The following LYPLAL1 variants were observed in gnomAD, a reference collection of about 807,000 sequenced individuals.
LYPLAL1 encodes the protein lysophospholipase-like protein 1.
LYPLAL1 carries 23 observed loss-of-function variants against 19.7 expected under a neutral mutation model. The ratio of observed to expected loss-of-function variants is 1.17; its 90% CI spans 0.84 to 1.65. The LOEUF (loss-of-function observed/expected upper bound fraction) is 1.65, where lower values mean the gene tolerates loss of function less well. Among genes scored for constraint, LYPLAL1 ranks in the 40% most tolerant of loss-of-function variants. The pLI is 0.00. For synonymous variants in LYPLAL1, 119 were observed against 96.3 expected, an observed-to-expected ratio of 1.24 and a Z score of -1.38; for missense variants, 355 against 279.4, an observed-to-expected ratio of 1.27 and a Z score of -1.93.
chr1:219,197,123 G>GA (rs1390278073), intron 3 of LYPLAL1, among the ~76,000 whole-genome samples: 17 of 152,078 alleles, frequency 1.1e-4, no homozygotes, highest in African/African-American at 4.1e-4. Flanking sequence ...CACAGAATTA[G>GA]AAAAAACTAC....
chr1:219,216,362 A>G (rs1659290624), downstream of LYPLAL1, among the ~76,000 whole-genome samples: 1 of 152,048 alleles, frequency 6.6e-6, no homozygotes, highest in Non-Finnish European at 1.5e-5. Context: ...TGGATTTCTA[A>G]ATATTCACAA....
chr1:219,194,039 T>C (rs1160052063), intron 3 of LYPLAL1, among the ~76,000 whole-genome samples: 1 of 151,932 alleles, frequency 6.6e-6, no homozygotes, highest in Non-Finnish European at 1.5e-5. Flanking sequence ...ATAAACTTTC[T>C]TTGTGTTTAT....
the LYPLAL1 span, among the ~76,000 whole-genome samples, chr1:219,227,246 GA>G: frequency 6.6e-5 from 10 of 152,168 alleles, no homozygotes; most frequent in Admixed American, 6.5e-5. Flanking sequence ...TTCCATTCGA[GA>G]AAAAAAGTCT....
chr1:219,302,411 A>G, the LYPLAL1 span, among the ~76,000 whole-genome samples: 1 of 152,018 alleles, frequency 6.6e-6, no homozygotes, highest in Non-Finnish European at 1.5e-5. Context: ...ATTTTTCACT[A>G]TTCCCCTCTC....
At chr1:219,258,442 G>A in the LYPLAL1 span, among the ~76,000 whole-genome samples, 12 of 152,050 alleles carry the variant, frequency 7.9e-5, no homozygotes, top group South Asian at 2.1e-4. Flanking sequence ...CAGTCCCTCC[G>A]TTCGGGGTCC....
At chr1:219,356,498 TCAA>T in the LYPLAL1 span, among the ~76,000 whole-genome samples, 4 of 152,214 alleles carry the variant, frequency 2.6e-5, no homozygotes, top group South Asian at 2.1e-4. Context: ...ATATGCCGTC[TCAA>T]CAACAACAAC....
At chr1:219,183,748 A>G (rs1177378523) in intron 2 of LYPLAL1, among the ~76,000 whole-genome samples, 2 of 151,884 alleles carry the variant, frequency 1.3e-5, no homozygotes, top group East Asian at 1.9e-4. Flanking sequence ...ATTCATCTAT[A>G]TGTGTGTATC....
the LYPLAL1 span, among the ~76,000 whole-genome samples, chr1:219,400,128 C>T: frequency 1.3e-5 from 2 of 152,096 alleles, no homozygotes; most frequent in African/African-American, 2.4e-5. Context: ...ACAGTATCGT[C>T]GTGCGGGGTT....
the LYPLAL1 span, among the ~76,000 whole-genome samples, chr1:219,439,974 C>CAT: frequency 3.4e-3 from 340 of 100,134 alleles, 1 homozygote; most frequent in South Asian, 0.026. Context: ...TATATATATA[C>CAT]ATATATATAT....
At chr1:219,242,666 G>T in the LYPLAL1 span, among the ~76,000 whole-genome samples, 7 of 151,650 alleles carry the variant, frequency 4.6e-5, no homozygotes, top group Non-Finnish European at 1.0e-4. Flanking sequence ...GACTCACAAT[G>T]AATCTTGCTA....
intron 2 of LYPLAL1, among the ~76,000 whole-genome samples, chr1:219,191,583 A>G (rs925961387): frequency 6.6e-6 from 1 of 151,638 alleles, no homozygotes; most frequent in Non-Finnish European, 1.5e-5. Context: ...TTAATTTATA[A>G]GAATAACATT....
the LYPLAL1 span, among the ~76,000 whole-genome samples, chr1:219,381,821 T>C: frequency 1.2e-4 from 19 of 152,196 alleles, no homozygotes; most frequent in Admixed American, 1.2e-3. Flanking sequence ...AAAGATTAAG[T>C]CATGGATTCA....
At chr1:219,323,570 C>G in the LYPLAL1 span, among the ~76,000 whole-genome samples, 3 of 152,170 alleles carry the variant, frequency 2.0e-5, no homozygotes, top group Non-Finnish European at 2.9e-5. Flanking sequence ...TGAGCTCTCT[C>G]CTTTGAAGCT....
At chr1:219,302,613 C>G in the LYPLAL1 span, among the ~76,000 whole-genome samples, 1 of 152,090 alleles carries the variant, frequency 6.6e-6, no homozygotes, top group Admixed American at 6.5e-5. Flanking sequence ...TAATATTTTT[C>G]ACCTTGCAGG....
chr1:219,217,808 C>T (rs1187965359), downstream of LYPLAL1, among the ~76,000 whole-genome samples: 1 of 152,130 alleles, frequency 6.6e-6, no homozygotes, highest in Non-Finnish European at 1.5e-5. Context: ...TAAACATTTC[C>T]TAAGGCCAGG....
chr1:219,244,778 G>A, the LYPLAL1 span, among the ~76,000 whole-genome samples: 32 of 151,634 alleles, frequency 2.1e-4, no homozygotes, highest in East Asian at 3.9e-4. Flanking sequence ...AGACCCTATC[G>A]CTACTAAAAA....
chr1:219,184,930 T>C (rs961049268), intron 2 of LYPLAL1, among the ~76,000 whole-genome samples: 50 of 151,964 alleles, frequency 3.3e-4, no homozygotes, highest in African/African-American at 1.1e-3. Flanking sequence ...GGGGTTATGC[T>C]AGTCACTTAA....
At chr1:219,228,811 C>T in the LYPLAL1 span, among the ~76,000 whole-genome samples, 2 of 151,872 alleles carry the variant, frequency 1.3e-5, no homozygotes, top group East Asian at 3.9e-4. Context: ...TCCTGAGGAG[C>T]TGGGATTACA....
chr1:219,209,291 T>A (rs1658814036), intron 3 of LYPLAL1, among the ~76,000 whole-genome samples: 1 of 152,112 alleles, frequency 6.6e-6, no homozygotes, highest in Admixed American at 6.6e-5. Flanking sequence ...TAATCTTCTC[T>A]CGGGTATTTG....
Sources: allele counts gnomAD v4.1 joint callset (sites outside exome capture counted in the v4.1 genomes callset), GRCh38; gene constraint gnomAD v4.1.1; transcripts MANE v1.5; gene names NCBI Gene and HGNC (gene_info 2026-07-23, HGNC 2026-07-21).